Variants in CDC6 observed in about 807,000 individuals in gnomAD.
CDC6 encodes the protein cell division cycle 6.
Under a neutral mutation model 60.2 loss-of-function variants are expected in CDC6, and 46 were observed. The observed-to-expected ratio is 0.76, with a 90% CI of 0.60 to 0.98. The LOEUF (loss-of-function observed/expected upper bound fraction) is 0.98, where lower values mean the gene tolerates loss of function less well. CDC6 is among the 50% of genes least tolerant of loss of function. The pLI, the probability that CDC6 is intolerant of heterozygous loss-of-function variation, is 0.00. For missense variants in CDC6, 596 were observed against 652.9 expected (o/e 0.91, Z 0.95); for synonymous variants, 210 against 233.2 (o/e 0.90, Z 0.90).
In CDC6 at chr17:40,300,933, G is replaced by T. The variant is rs1414518014; in HGVS notation, c.1355G>T (p.Gly452Val). 1 of 1,613,832 alleles carries T rather than the reference G, an allele frequency of 6.2e-7. No individual in the cohort carries two copies. Among genetic ancestry groups the T allele is most frequent in the Non-Finnish European group, 8.5e-7 (1 of 1,179,748 alleles). Reference sequence around the variant, plus strand: ...AACAGGATGACCTTGAGCCAAGAAGGAGCACAAGATTCCTTCCCTCTTCAG... The same window carrying T: ...AACAGGATGACCTTGAGCCAAGAAGTAGCACAAGATTCCTTCCCTCTTCAG... ...DGNRMTLSQE[G>V]AQDSFPLQQK... Residue 452 changes from glycine (G) to valine (V), a missense_variant, in exon 10 of 12, where the codon GGA (glycine) becomes GTA (valine). Gly to Val is a moderately radical substitution (Grantham distance 109). Coordinates refer to ENST00000209728, the MANE Select transcript of CDC6 (RefSeq NM_001254.4).
At chr17:40,301,175 T>C (rs1039544126) in intron 10 of CDC6, 145 bp downstream of exon 10, 1 of 726,962 alleles carries the variant, frequency 1.4e-6, no homozygotes, top group Non-Finnish European at 2.5e-6. Flanking sequence ...TGGTACTATA[T>C]AAAAGGCACC....
At position 40,293,469 on chromosome 17, in the gene CDC6, G is replaced by T; in HGVS notation, c.674G>T (p.Gly225Val). The T allele has an allele frequency of 2.5e-6, 4 of 1,613,960 alleles. No homozygotes were observed. Among genetic ancestry groups the T allele is most frequent in the Non-Finnish European group, 3.4e-6 (4 of 1,179,894 alleles). ...TTTTTTTTCCAGAAGGAACTGAAAG[G>T]CTTTAAAACTATCATGCTGAATTGC... ...ILQDLKKELK[G>V]FKTIMLNCMS... Residue 225 changes from glycine to valine, a missense_variant, in exon 5 of 12, where the codon GGC becomes GTC. Gly to Val is a moderately radical substitution (Grantham distance 109). Transcript: ENST00000209728.
chr17:40,289,594 T>C lies in CDC6; in HGVS notation c.174T>C (p.Arg58=), dbSNP rs746381647. The C allele has an allele frequency of 1.4e-5, 23 of 1,613,494 alleles. No individual in the cohort carries two copies. Among genetic ancestry groups the C allele is most frequent in the African/African-American group, 2.7e-5 (2 of 74,914 alleles). The change falls in exon 2 of 12, where the codon CGT becomes CGC. Residue 58 remains arginine (R), a synonymous_variant. Transcript: ENST00000209728. ...CCCTGCCTCTCAGCCCCAGGAAACG[T>C]CTGGGTAAACCATCCATTATATCAC... ...VKALPLSPRK[R]LGDDNLCNTP... is the part of the protein sequence containing the mutation.
chr17:40,292,924 C>A lies in CDC6; in HGVS notation c.661-532C>A, dbSNP rs576544009. 4.8e-4 allele frequency among the ~76,000 whole-genome samples: 72 copies of A among 150,456 alleles called. 1 individual carries two copies. Among genetic ancestry groups the A allele is most frequent in the Non-Finnish European group, 9.5e-4 (64 of 67,698 alleles). On this transcript the variant is annotated intron_variant, in intron 4 of 11. Transcript: ENST00000209728. ...CAGCATGGGCGACAGAGCAAGACTC[C>A]GTCTCAAAAAAAAAAAGAGTTAAGA...
In CDC6 at chr17:40,302,378, C is replaced by T. The variant is rs577416068; in HGVS notation, c.*377C>T. On this transcript the variant is annotated 3_prime_UTR_variant, in exon 12 of 12. Coordinates refer to ENST00000209728, the MANE Select transcript of CDC6 (RefSeq NM_001254.4). Reference sequence around the variant, plus strand: ...TTTTTTGTTGTTGTTGTTTTTGAGGCGCGTCTCACCCTGTTGCCCAGGCTG... The same window carrying T: ...TTTTTTGTTGTTGTTGTTTTTGAGGTGCGTCTCACCCTGTTGCCCAGGCTG... 9 of 255,102 alleles carry T rather than the reference C, an allele frequency of 3.5e-5. No homozygotes were observed. Among genetic ancestry groups the T allele is most frequent in the South Asian group, 1.7e-4 (4 of 22,970 alleles). 15.8% of individuals were successfully genotyped at this position (255,102 alleles called of 1,614,324 possible). A position where few individuals can be genotyped will look rare whatever the true frequency, so the allele number is the denominator to read the frequency against.
intron 10 of CDC6, 128 bp downstream of exon 10, chr17:40,301,158 T>G (rs2032934837): frequency 2.6e-6 from 2 of 766,392 alleles, no homozygotes; most frequent in Middle Eastern, 3.6e-4. Flanking sequence ...ACAGTAAGAA[T>G]TAATACTGGT....
chr17:40,294,854 AGCTAGGACTACAG>A (rs1438244851), intron 7 of CDC6, among the ~76,000 whole-genome samples: 10 of 151,716 alleles, frequency 6.6e-5, no homozygotes, highest in African/African-American at 2.4e-4. Flanking sequence ...CCTCCCCAGT[AGCTAGGACTACAG>A]GCACCTGCCA....
rs1048253419 is a variant in CDC6, at chr17:40,293,706, T to C, written c.836+75T>C. 35 of 1,209,462 alleles carry C rather than the reference T, an allele frequency of 2.9e-5. No individual in the cohort carries two copies. In the Admixed American group the frequency reaches 6.0e-4, roughly 21 times the overall value. The allele number at this position is 1,209,462 out of a possible 1,614,324, so 74.9% of individuals were successfully genotyped here. ...TTGCCCATAAAAAGTACATTTTGTA[T>C]ATTTTCTCTCTGAAGGATAGTTACA... On this transcript the variant is annotated intron_variant, in intron 5 of 11. Coordinates refer to ENST00000209728, the MANE Select transcript of CDC6 (RefSeq NM_001254.4).
chr17:40,291,829 T>G (rs1244590933), intron 4 of CDC6, among the ~76,000 whole-genome samples, 161 bp downstream of exon 4: 1 of 152,238 alleles, frequency 6.6e-6, no homozygotes, highest in African/African-American at 2.4e-5. Flanking sequence ...CACTGCAAGC[T>G]CTGCCTCCCA....
chr17:40,291,518 T>C lies in CDC6; in HGVS notation c.510T>C (p.Asp170=), dbSNP rs751444266. The C allele has an allele frequency of 1.9e-6, 3 of 1,614,188 alleles. No individual in the cohort carries two copies. In the Admixed American group the frequency reaches 5.0e-5, roughly 27 times the overall value. ...AKLVLNTAVP[D]RLPAREREMD... is the part of the protein sequence containing the mutation. ...TGGTCCTGAACACAGCTGTCCCAGA[T>C]CGGCTGCCTGCCAGGGAAAGGGAGA... Residue 170 remains aspartate (D), a synonymous_variant, in exon 4 of 12, where the codon GAT becomes GAC. Transcript: ENST00000209728.
chr17:40,298,665 A>C (rs2032894440), intron 9 of CDC6, among the ~76,000 whole-genome samples: 1 of 152,170 alleles, frequency 6.6e-6, no homozygotes, highest in South Asian at 2.1e-4. Context: ...AGCCTCCCAC[A>C]GCTTTGGAAT....
chr17:40,295,798 G>A (rs1382300251), intron 8 of CDC6, among the ~76,000 whole-genome samples: 5 of 152,146 alleles, frequency 3.3e-5, no homozygotes, highest in Non-Finnish European at 7.4e-5. Context: ...GACCTGAACC[G>A]TCTTTGCCTT....
intron 11 of CDC6, 147 bp from the exon 12 acceptor site, chr17:40,301,765 T>A (rs772152408): frequency 7.4e-6 from 7 of 943,156 alleles, no homozygotes; most frequent in African/African-American, 6.5e-5. Context: ...GAGTGTGATA[T>A]GAATATTTTT....
rs762664212 is a variant in CDC6, at chr17:40,291,617, T to C, written c.609T>C (p.Ala203=). ...KKAGSLYLSG[A]PGTGKTACLS... Reference sequence around the variant, plus strand: ...CTGGAAGCCTTTACCTTTCTGGTGCTCCTGGAACTGGAAAAACTGCCTGCT... The same window carrying C: ...CTGGAAGCCTTTACCTTTCTGGTGCCCCTGGAACTGGAAAAACTGCCTGCT... The change falls in exon 4 of 12, where the codon GCT becomes GCC. Residue 203 remains alanine, a synonymous_variant. Coordinates refer to ENST00000209728, the MANE Select transcript of CDC6 (RefSeq NM_001254.4). The C allele has an allele frequency of 1.9e-6, 3 of 1,614,122 alleles. No individual in the cohort carries two copies. The highest frequency in any genetic ancestry group is 3.3e-5 in the Admixed American group (2 of 60,008).
In CDC6 at chr17:40,295,457, G is replaced by A. The variant is rs772500987; in HGVS notation, c.1184+1G>A. The A allele has an allele frequency of 6.3e-7, 1 of 1,577,492 alleles. No individual in the cohort carries two copies. The highest frequency in any genetic ancestry group is 8.7e-7 in the Non-Finnish European group (1 of 1,146,836). The stretch of plus-strand genomic sequence containing the variant: ...TTCGCAAAGCACTGGATGTTTGCAG[G>A]TGAGTTACGGCTCTGTTGCATTCTT... On this transcript the variant is annotated splice_donor_variant, in intron 8 of 11. Transcript: ENST00000209728. LOFTEE classifies it high-confidence loss of function.
At chr17:40,291,371 C>A in intron 3 of CDC6, 32 bp downstream of exon 3, 1 of 1,613,102 alleles carries the variant, frequency 6.2e-7, no homozygotes, top group Non-Finnish European at 8.5e-7. Flanking sequence ...GTTAGTGCAG[C>A]CATTGTAACC....
rs1207570056 is a variant in CDC6, at chr17:40,288,096, G to A, written c.-14+6G>A. The A allele has an allele frequency of 6.5e-6, 1 of 153,704 alleles. No individual in the cohort carries two copies. The highest frequency in any genetic ancestry group is 1.4e-5 in the Non-Finnish European group (1 of 68,972). 9.5% of individuals were successfully genotyped at this position (153,704 alleles called of 1,614,324 possible). On this transcript the variant is annotated splice_donor_region_variant and intron_variant, in intron 1 of 11. Transcript: ENST00000209728. ...GGGTTCCGGCGAGGCCTGAGGTGAAGTGAAGGGAAAAGAGCTGAGCTCGCT... is the reference window on the plus strand; with the variant it reads ...GGGTTCCGGCGAGGCCTGAGGTGAAATGAAGGGAAAAGAGCTGAGCTCGCT...
chr17:40,298,231 C>A (rs973311823), intron 9 of CDC6, among the ~76,000 whole-genome samples: 1 of 152,124 alleles, frequency 6.6e-6, no homozygotes, highest in Non-Finnish European at 1.5e-5. Context: ...TCCTTTTCAA[C>A]TTTTCAGATT....
rs1286238191 is a variant in CDC6, at chr17:40,294,466, A to G, written c.1046A>G (p.Asn349Ser). 2.5e-6 allele frequency: 4 copies of G among 1,614,104 alleles called. No homozygotes were observed. The highest frequency in any genetic ancestry group is 3.4e-6 in the Non-Finnish European group (4 of 1,179,980). ...TTGAACTTCCCACCTTATACCAGAA[A>G]TCAGATAGTCACTATTTTGCAAGAT... ...QLLNFPPYTR[N>S]QIVTILQDRL... Residue 349 changes from asparagine to serine, a missense_variant, in exon 7 of 12, where the codon AAT (asparagine) becomes AGT (serine). Physicochemically the swap from Asn to Ser is conservative, Grantham distance 46. Coordinates refer to ENST00000209728, the MANE Select transcript of CDC6 (RefSeq NM_001254.4).
Sources: allele counts gnomAD v4.1 joint callset (sites outside exome capture counted in the v4.1 genomes callset), GRCh38; gene constraint gnomAD v4.1.1; transcripts MANE v1.5; gene names NCBI Gene and HGNC (gene_info 2026-07-23, HGNC 2026-07-21).